The following RMDN2 variants were observed in gnomAD, a reference collection of about 807,000 sequenced individuals.
The protein encoded by RMDN2 is regulator of microtubule dynamics protein 2.
A neutral mutation model predicts 52.8 loss-of-function variants in RMDN2; 61 were observed. The ratio of observed to expected loss-of-function variants is 1.16; its 90% CI spans 0.94 to 1.43. The LOEUF (loss-of-function observed/expected upper bound fraction) is 1.43, where lower values mean the gene tolerates loss of function less well. Among genes scored for constraint, RMDN2 ranks in the 40% most tolerant of loss-of-function variants. The pLI, the probability that RMDN2 is intolerant of heterozygous loss-of-function variation, is 0.00. For missense variants in RMDN2, 592 were observed against 475.3 expected (o/e 1.25, Z -2.28); for synonymous variants, 180 against 153.1 (o/e 1.18, Z -1.30).
intron 10 of RMDN2, chr2:38,032,803 C>G (rs544536565): frequency 6.6e-6 from 1 of 152,312 alleles, no homozygotes; most frequent in South Asian, 2.1e-4. Flanking sequence ...CGCACCACTG[C>G]ATTCCAGCTT....
At chr2:37,969,217 A>G (rs907728128) in intron 2 of RMDN2, among the ~76,000 whole-genome samples, 2 of 151,916 alleles carry the variant, frequency 1.3e-5, no homozygotes, top group Admixed American at 6.5e-5. Flanking sequence ...TTGCCTTTCC[A>G]TATTAATTTT....
chr2:37,945,626 G>GTTCTGT (rs1668158930), intron 2 of RMDN2, among the ~76,000 whole-genome samples: 1 of 152,142 alleles, frequency 6.6e-6, no homozygotes, highest in Non-Finnish European at 1.5e-5. Flanking sequence ...AAAGACCCCA[G>GTTCTGT]TTCTGTGACT....
chr2:37,974,349 G>C (rs1672188799), intron 3 of RMDN2, 135 bp downstream of exon 3: 5 of 525,952 alleles, frequency 9.5e-6, no homozygotes, highest in Non-Finnish European at 1.5e-5. Flanking sequence ...TCTATAAAAT[G>C]ACTAAAATTT....
chr2:37,975,105 A>G (rs944419446), intron 3 of RMDN2, 107 bp from the exon 4 acceptor site: 1 of 694,016 alleles, frequency 1.4e-6, no homozygotes, highest in Non-Finnish European at 2.6e-6. Context: ...TAATCTATAA[A>G]TACCAGTTTA....
chr2:37,928,180 A>G (rs567884153), intron 1 of RMDN2, among the ~76,000 whole-genome samples: 2 of 152,172 alleles, frequency 1.3e-5, no homozygotes, highest in Non-Finnish European at 2.9e-5. Flanking sequence ...AGAACATCCA[A>G]ACAGGATACT....
intron 5 of RMDN2, among the ~76,000 whole-genome samples, chr2:37,988,440 T>C (rs1443554618): frequency 6.6e-6 from 1 of 152,192 alleles, no homozygotes; most frequent in Admixed American, 6.5e-5. Flanking sequence ...GCAGATTCTG[T>C]TGATTATACA....
At chr2:37,976,841 T>G (rs1672531189) in intron 4 of RMDN2, among the ~76,000 whole-genome samples, 1 of 152,142 alleles carries the variant, frequency 6.6e-6, no homozygotes, top group Non-Finnish European at 1.5e-5. Context: ...TTTTTTTCTT[T>G]TTTTTTTTAA....
At chr2:37,977,116 T>C (rs974112847) in intron 4 of RMDN2, among the ~76,000 whole-genome samples, 4 of 152,200 alleles carry the variant, frequency 2.6e-5, no homozygotes, top group African/African-American at 9.6e-5. Context: ...TTAATCCATT[T>C]AACCCTTAGT....
chr2:37,972,741 T>C (rs955135784), intron 2 of RMDN2, among the ~76,000 whole-genome samples: 4 of 152,156 alleles, frequency 2.6e-5, no homozygotes, highest in Non-Finnish European at 5.9e-5. Context: ...TGGGGAGAAG[T>C]GGCTAGATTC....
At chr2:37,925,740 C>A (rs911446774) in intron 1 of RMDN2, among the ~76,000 whole-genome samples, 8 of 152,254 alleles carry the variant, frequency 5.3e-5, no homozygotes, top group Non-Finnish European at 8.8e-5. Flanking sequence ...CTGCCTCGGC[C>A]CGGCTGGTCC....
chr2:37,938,220 C>T (rs954642331), intron 2 of RMDN2, among the ~76,000 whole-genome samples: 22 of 152,144 alleles, frequency 1.4e-4, no homozygotes, highest in African/African-American at 5.3e-4. Flanking sequence ...TATGTTGAAC[C>T]AGCCTTGCAT....
intron 5 of RMDN2, among the ~76,000 whole-genome samples, chr2:37,984,502 G>A (rs959687615): frequency 4.6e-5 from 7 of 152,184 alleles, no homozygotes; most frequent in Admixed American, 4.6e-4. Flanking sequence ...GTATTGATTA[G>A]TAATCAGAGC....
intron 2 of RMDN2, among the ~76,000 whole-genome samples, chr2:37,941,224 G>C (rs964291801): frequency 3.3e-5 from 5 of 152,130 alleles, no homozygotes; most frequent in African/African-American, 1.2e-4. Flanking sequence ...ACCAGTGAAG[G>C]CTGCAGAACA....
rs376237626 is a variant in RMDN2 at position 37,974,057 on chromosome 2, C to G, written c.470C>G (p.Thr157Ser). Residue 157 changes from threonine (T) to serine (S), a missense_variant, in exon 3 of 11, where the codon ACT becomes AGT. By Grantham distance (58) the Thr-to-Ser change is moderately conservative (BLOSUM62 1). Transcript: ENST00000354545. ...GATTTTAGGTATATTACAGCTAATACTGACACAGAAGAACAGAGTTTTCCA... is the reference window on the plus strand; with the variant it reads ...GATTTTAGGTATATTACAGCTAATAGTGACACAGAAGAACAGAGTTTTCCA... ...ESEGGYITANTDTEEQSFPVP... is the reference protein window; with the variant it reads ...ESEGGYITANSDTEEQSFPVP... 1.2e-5 allele frequency: 19 copies of G among 1,609,764 alleles called. No individual in the cohort carries two copies. The highest frequency in any genetic ancestry group is 1.3e-5 in the African/African-American group (1 of 74,672).
chr2:37,933,752 G>GGAGACCGTGGAAAGAGAGGGAGAGA (rs1404970983), intron 2 of RMDN2, among the ~76,000 whole-genome samples: 1 of 152,216 alleles, frequency 6.6e-6, no homozygotes. Flanking sequence ...GGCATCAGAG[G>GGAGACCGTGGAAAGAGAGGGAGAGA]GAGACCGTGG....
intron 10 of RMDN2, among the ~76,000 whole-genome samples, chr2:38,038,744 C>T (rs1339045151): frequency 1.3e-5 from 2 of 152,200 alleles, no homozygotes; most frequent in Non-Finnish European, 2.9e-5. Flanking sequence ...GTGCTTCTCA[C>T]AGCCCACAGG....
At chr2:37,950,701 G>A in intron 2 of RMDN2, 13 of 1,077,962 alleles carry the variant, frequency 1.2e-5, no homozygotes, top group South Asian at 1.1e-4. Flanking sequence ...TGGATATCCT[G>A]GACTGTCCAG....
At chr2:37,928,230 C>T (rs769775739) in intron 1 of RMDN2, among the ~76,000 whole-genome samples, 12 of 152,118 alleles carry the variant, frequency 7.9e-5, no homozygotes, top group Non-Finnish European at 1.8e-4. Flanking sequence ...AATAGGAATC[C>T]AAAGACGTTC....
intron 10 of RMDN2, among the ~76,000 whole-genome samples, chr2:38,042,820 C>T (rs1307907284): frequency 6.6e-6 from 1 of 151,924 alleles, no homozygotes; most frequent in Non-Finnish European, 1.5e-5. Flanking sequence ...AATTATCTTT[C>T]TGTTATTCAT....
Sources: allele counts gnomAD v4.1 joint callset (sites outside exome capture counted in the v4.1 genomes callset), GRCh38; gene constraint gnomAD v4.1.1; transcripts MANE v1.5; gene names NCBI Gene and HGNC (gene_info 2026-07-23, HGNC 2026-07-21).